LINGO2: variants seen among roughly 807,000 people sequenced by gnomAD.
LINGO2 encodes the protein leucine-rich repeat and immunoglobulin-like domain-containing nogo receptor-interacting protein 2.
LINGO2 carries 14 observed loss-of-function variants against 30.6 expected under a neutral mutation model. The ratio of observed to expected loss-of-function variants is 0.46; its 90% CI spans 0.30 to 0.72. The LOEUF is 0.72. Ranked by LOEUF, LINGO2 falls within the 30% of genes least tolerant of loss-of-function variation. The pLI is 0.07. For missense variants in LINGO2, 729 were observed against 751.7 expected, an observed-to-expected ratio of 0.97 and a Z score of 0.35; for synonymous variants, 317 against 288.5, an observed-to-expected ratio of 1.10 and a Z score of -1.00.
At chr9:28,345,540 T>G (rs1017500207) in intron 3 of LINGO2, among the ~76,000 whole-genome samples, 4 of 152,160 alleles carry the variant, frequency 2.6e-5, no homozygotes, top group African/African-American at 9.6e-5. Context: ...CATAGTATAG[T>G]GTTGTTCATT....
intron 1 of LINGO2, among the ~76,000 whole-genome samples, chr9:28,525,830 C>A (rs1043346142): frequency 2.0e-5 from 3 of 151,898 alleles, no homozygotes; most frequent in Admixed American, 6.6e-5. Flanking sequence ...CCAAGGTGGG[C>A]GGATCACGAG....
intron 1 of LINGO2, among the ~76,000 whole-genome samples, chr9:28,513,862 C>A (rs1263646350): frequency 6.6e-6 from 1 of 152,180 alleles, no homozygotes; most frequent in Admixed American, 6.5e-5. Flanking sequence ...AGGTACATAT[C>A]TTTTTATTGT....
the LINGO2 span, among the ~76,000 whole-genome samples, chr9:29,182,098 AT>A: frequency 1.3e-5 from 2 of 152,160 alleles, no homozygotes; most frequent in Admixed American, 6.5e-5. Flanking sequence ...AGAAAGATGA[AT>A]TTTGAGGTGA....
intron 2 of LINGO2, among the ~76,000 whole-genome samples, chr9:28,464,237 T>G (rs1007748098): frequency 2.0e-5 from 3 of 152,196 alleles, no homozygotes; most frequent in Non-Finnish European, 4.4e-5. Flanking sequence ...TAAATTCTAT[T>G]CCTGTGTTAC....
chr9:28,883,125 C>T, the LINGO2 span, among the ~76,000 whole-genome samples: 14 of 152,282 alleles, frequency 9.2e-5, no homozygotes, highest in African/African-American at 3.4e-4. Context: ...ACCTGTTGAG[C>T]TCAATCCAAA....
At chr9:29,094,954 T>C in the LINGO2 span, among the ~76,000 whole-genome samples, 1 of 138,188 alleles carries the variant, frequency 7.2e-6, no homozygotes, top group African/African-American at 2.7e-5. Context: ...TTATATGAAA[T>C]TCATACATTT....
At chr9:28,937,120 T>C in the LINGO2 span, among the ~76,000 whole-genome samples, 2 of 152,160 alleles carry the variant, frequency 1.3e-5, no homozygotes, top group East Asian at 1.9e-4. Flanking sequence ...ACCTTCAACA[T>C]ATGGATTTGG....
At position 28,148,124 on chromosome 9, in the gene LINGO2, CG is replaced by C; in HGVS notation, c.-86-135720del. 2 of 1,099,776 alleles carry C rather than the reference CG, an allele frequency of 1.8e-6. No homozygotes were observed. The highest frequency in any genetic ancestry group is 2.3e-6 in the Non-Finnish European group (2 of 864,958). The allele number at this position is 1,099,776 out of a possible 1,614,324, so 68.1% of individuals were successfully genotyped here. On this transcript the variant is annotated intron_variant, in intron 4 of 5. Transcript: ENST00000379992. This position sits in a 1 kb window ranked among gnomAD's most constrained non-coding sequence, Gnocchi z 5.1. ...CGCGGCTCCTGCACCTGTGCCTGCC[CG>C]GGGAATCGTGGGCCGTTTCCCACTC...
In LINGO2 at chr9:28,447,042, C is replaced by T. The variant is rs373136831; in HGVS notation, c.-279+28898G>A. Among the ~76,000 whole-genome samples, 64 of 152,248 alleles carry T rather than the reference C, an allele frequency of 4.2e-4. 1 individual carries two copies. In the East Asian group the frequency reaches 7.0e-3, roughly 17 times the overall value. ...CCCTCAGTGCCCAACTGTCAATATC[C>T]CTTTGGCTGTCTAACTCTTATGAGG... On this transcript the variant is annotated intron_variant, in intron 2 of 5. Coordinates refer to ENST00000379992, the Ensembl canonical transcript of LINGO2.
chr9:28,048,518 G>C (rs1299421708), intron 4 of LINGO2, among the ~76,000 whole-genome samples: 1 of 150,796 alleles, frequency 6.6e-6, no homozygotes, highest in African/African-American at 2.5e-5. Flanking sequence ...TTCATTGCCA[G>C]TGAAAGTAAG....
chr9:28,822,059 A>C, the LINGO2 span, among the ~76,000 whole-genome samples: 1 of 152,154 alleles, frequency 6.6e-6, no homozygotes, highest in Admixed American at 6.5e-5. Flanking sequence ...GCCCAGAGAT[A>C]CTTCTAAATG....
chr9:28,174,791 T>A (rs1564018647), intron 4 of LINGO2, among the ~76,000 whole-genome samples: 1 of 152,148 alleles, frequency 6.6e-6, no homozygotes, highest in Non-Finnish European at 1.5e-5. Flanking sequence ...GTGCCTGCTC[T>A]ATGAAAGGTA....
chr9:28,280,713 C>A (rs999731945), intron 4 of LINGO2, among the ~76,000 whole-genome samples: 1 of 152,076 alleles, frequency 6.6e-6, no homozygotes, highest in East Asian at 1.9e-4. Flanking sequence ...AGTAAGTACT[C>A]ATGGTACTGT....
At chr9:28,969,801 G>C in the LINGO2 span, among the ~76,000 whole-genome samples, 3 of 152,254 alleles carry the variant, frequency 2.0e-5, no homozygotes, top group East Asian at 5.8e-4. Context: ...CCCAAGAGTG[G>C]AGTTACCATT....
At chr9:28,052,727 GTA>G (rs1205218428) in intron 4 of LINGO2, among the ~76,000 whole-genome samples, 2 of 152,196 alleles carry the variant, frequency 1.3e-5, no homozygotes, top group South Asian at 2.1e-4. Flanking sequence ...GCCCAAGAAA[GTA>G]AAAGAATTTT....
intron 1 of LINGO2, among the ~76,000 whole-genome samples, chr9:28,608,398 T>G (rs145077599): frequency 1.8e-3 from 281 of 152,164 alleles, no homozygotes; most frequent in African/African-American, 6.5e-3. Context: ...ACACAATCTC[T>G]ACAGTCTCTT....
intron 4 of LINGO2, among the ~76,000 whole-genome samples, chr9:28,134,061 C>T (rs993551872): frequency 6.6e-6 from 1 of 152,128 alleles, no homozygotes; most frequent in Admixed American, 6.5e-5. Context: ...TATACAACTC[C>T]CAATTCACTA....
chr9:28,078,579 G>A (rs1825689640), intron 4 of LINGO2, among the ~76,000 whole-genome samples: 1 of 148,504 alleles, frequency 6.7e-6, no homozygotes, highest in African/African-American at 2.6e-5. Flanking sequence ...TGCCGGGCGT[G>A]GTGGCTCATG....
the LINGO2 span, among the ~76,000 whole-genome samples, chr9:28,854,766 G>C: frequency 6.6e-6 from 1 of 151,862 alleles, no homozygotes; most frequent in African/African-American, 2.4e-5. Flanking sequence ...TTCAGTTCTA[G>C]AACTTCAATA....
Sources: allele counts gnomAD v4.1 joint callset (sites outside exome capture counted in the v4.1 genomes callset), GRCh38; gene constraint gnomAD v4.1.1; non-coding constraint Gnocchi (gnomAD v3.1); transcripts MANE v1.5; gene names NCBI Gene and HGNC (gene_info 2026-07-23, HGNC 2026-07-21).